Variants in CNTNAP5 observed in about 807,000 individuals in gnomAD.
CNTNAP5 encodes the protein contactin associated protein family member 5.
In CNTNAP5, 72 loss-of-function variants were observed where a neutral mutation model predicts 150.2. The observed-to-expected ratio is 0.48, with a 90% CI of 0.40 to 0.58. The LOEUF (loss-of-function observed/expected upper bound fraction) is 0.58, where lower values mean the gene tolerates loss of function less well. CNTNAP5 is among the 20% of genes least tolerant of loss of function. The probability of loss-of-function intolerance (pLI) is 0.00; values close to 1 mark genes in which losing one functional copy is unlikely to be tolerated. For synonymous variants in CNTNAP5, 672 were observed against 619.8 expected (o/e 1.08, Z -1.25); for missense variants, 1,636 against 1,626.2 (o/e 1.01, Z -0.10).
chr2:124,364,760 T>C (rs551084165), intron 3 of CNTNAP5, among the ~76,000 whole-genome samples: 3 of 152,166 alleles, frequency 2.0e-5, no homozygotes, highest in African/African-American at 7.2e-5. Flanking sequence ...CTGCATTAAG[T>C]ATAATACCAG....
intron 1 of CNTNAP5, among the ~76,000 whole-genome samples, chr2:124,139,579 G>C (rs530589750): frequency 1.3e-5 from 2 of 152,214 alleles, no homozygotes; most frequent in African/African-American, 4.8e-5. Flanking sequence ...TACTTGCCAC[G>C]TGAGGCAGGT....
chr2:124,731,613 CAGAG>C (rs1319611132), intron 13 of CNTNAP5, among the ~76,000 whole-genome samples: 1 of 149,962 alleles, frequency 6.7e-6, no homozygotes, highest in Non-Finnish European at 1.5e-5. Context: ...AATGCAGAGA[CAGAG>C]AGAAAAAGGA....
intron 14 of CNTNAP5, among the ~76,000 whole-genome samples, chr2:124,752,026 C>T (rs1680738473): frequency 6.6e-6 from 1 of 151,908 alleles, no homozygotes; most frequent in African/African-American, 2.4e-5. Context: ...CTAAGGATGC[C>T]CTTAATGATT....
chr2:124,490,852 G>T lies in CNTNAP5; in HGVS notation c.1063-13440G>T, dbSNP rs926364032. On this transcript the variant is annotated intron_variant, in intron 7 of 23. Transcript: ENST00000682447. Reference sequence around the variant, plus strand: ...AACCCTGTATTAAAATATAAATTAAGTTACTCTGTTTTAAAAAAAATTTTT... The same window carrying T: ...AACCCTGTATTAAAATATAAATTAATTTACTCTGTTTTAAAAAAAATTTTT... Among the ~76,000 whole-genome samples the T allele has an allele frequency of 2.6e-5, 4 of 151,972 alleles. No individual in the cohort carries two copies. In the East Asian group the frequency reaches 7.7e-4, roughly 29 times the overall value.
In CNTNAP5 at chr2:124,064,963, G is replaced by A. The variant is rs576393597; in HGVS notation, c.82+39231G>A. On this transcript the variant is annotated intron_variant, in intron 1 of 23. Coordinates refer to ENST00000682447, the MANE Select transcript of CNTNAP5 (RefSeq NM_001367498.1). ...TGCTAAAGGCTCCCGTGACCCCTCT[G>A]TACTTACATTATCTCACTCTAGTAT... 2.6e-5 allele frequency among the ~76,000 whole-genome samples: 4 copies of A among 152,218 alleles called. 1 individual carries two copies. In the South Asian group the frequency reaches 8.3e-4, roughly 32 times the overall value.
chr2:124,409,735 C>T (rs1281607724), intron 3 of CNTNAP5, among the ~76,000 whole-genome samples: 5 of 150,268 alleles, frequency 3.3e-5, no homozygotes, highest in Non-Finnish European at 5.9e-5. Flanking sequence ...AAGCGCTAAA[C>T]ATGGAAAGGA....
intron 3 of CNTNAP5, among the ~76,000 whole-genome samples, chr2:124,275,211 T>C (rs1687857553): frequency 6.6e-6 from 1 of 152,148 alleles, no homozygotes; most frequent in African/African-American, 2.4e-5. Flanking sequence ...TTGTGAGAGT[T>C]ACAATTCAAG....
At chr2:124,805,046 T>C (rs1402008122) in intron 19 of CNTNAP5, among the ~76,000 whole-genome samples, 1 of 152,078 alleles carries the variant, frequency 6.6e-6, no homozygotes, top group Non-Finnish European at 1.5e-5. Flanking sequence ...AAATTAATAC[T>C]CCTCTTTGTA....
chr2:124,672,059 T>C (rs1036914192), intron 13 of CNTNAP5, among the ~76,000 whole-genome samples: 1 of 152,098 alleles, frequency 6.6e-6, no homozygotes, highest in African/African-American at 2.4e-5. Flanking sequence ...ACAAGAGAAA[T>C]TTGTTTTACC....
intron 5 of CNTNAP5, among the ~76,000 whole-genome samples, chr2:124,436,800 A>G (rs1692542102): frequency 6.6e-6 from 1 of 152,174 alleles, no homozygotes; most frequent in Admixed American, 6.5e-5. Flanking sequence ...TAGTAAGAAC[A>G]TATTTTATCT....
intron 1 of CNTNAP5, among the ~76,000 whole-genome samples, chr2:124,156,518 C>G (rs900730562): frequency 6.6e-6 from 1 of 152,072 alleles, no homozygotes; most frequent in Non-Finnish European, 1.5e-5. Context: ...TTTTTTGATA[C>G]AGAGTCTCTC....
In CNTNAP5 at chr2:124,671,763, C is replaced by T. The variant is rs1242134336; in HGVS notation, c.2077+23805C>T. ...CAAGTGATTCTCTTGATTCAGCCTC[C>T]CAAGTACCTGTGATTACAGGTGTGC... On this transcript the variant is annotated intron_variant, in intron 13 of 23. Coordinates refer to ENST00000682447, the MANE Select transcript of CNTNAP5 (RefSeq NM_001367498.1). Among the ~76,000 whole-genome samples, 3 of 152,130 alleles carry T rather than the reference C, an allele frequency of 2.0e-5. No homozygotes were observed. The East Asian group carries it at 5.8e-4, about 29-fold the overall frequency.
intron 11 of CNTNAP5, among the ~76,000 whole-genome samples, chr2:124,604,534 C>T (rs1488923877): frequency 2.6e-5 from 4 of 152,148 alleles, no homozygotes; most frequent in Non-Finnish European, 5.9e-5. Context: ...GTGAAAGCAT[C>T]AACCATGTAA....
chr2:124,086,787 A>G (rs12473184), intron 1 of CNTNAP5, among the ~76,000 whole-genome samples: 57,799 of 151,188 alleles, frequency 0.38, 11,843 homozygotes, highest in Admixed American at 0.45. Context: ...TTTAAGTGGT[A>G]ACCTTAGGCC....
intron 13 of CNTNAP5, among the ~76,000 whole-genome samples, chr2:124,655,387 T>C (rs1035343662): frequency 9.2e-5 from 14 of 152,098 alleles, no homozygotes; most frequent in Admixed American, 4.6e-4. Flanking sequence ...CTTAATCCAG[T>C]CTATCACTGA....
chr2:124,243,551 G>A (rs1196053178), intron 3 of CNTNAP5, among the ~76,000 whole-genome samples: 1 of 152,082 alleles, frequency 6.6e-6, no homozygotes, highest in African/African-American at 2.4e-5. Flanking sequence ...GTAATATTAG[G>A]TTATAATATT....
chr2:124,835,240 T>C (rs1008112329), intron 19 of CNTNAP5, among the ~76,000 whole-genome samples: 1 of 142,690 alleles, frequency 7.0e-6, no homozygotes, highest in African/African-American at 2.5e-5. Flanking sequence ...ATCTTTCTCA[T>C]TGTTGGACAC....
At chr2:124,868,475 G>T (rs1472280160) in intron 20 of CNTNAP5, among the ~76,000 whole-genome samples, 1 of 152,004 alleles carries the variant, frequency 6.6e-6, no homozygotes, top group Non-Finnish European at 1.5e-5. Context: ...ACTTCCTTCT[G>T]CACTCAAATG....
rs1425133873 is a variant in CNTNAP5 at position 124,865,445 on chromosome 2, C to T, written c.3348+9C>T. 3 of 1,551,004 alleles carry T rather than the reference C, an allele frequency of 1.9e-6. No homozygotes were observed. In the East Asian group the frequency reaches 7.3e-5, roughly 38 times the overall value. On this transcript the variant is annotated intron_variant, in intron 20 of 23. Coordinates refer to ENST00000682447, the MANE Select transcript of CNTNAP5 (RefSeq NM_001367498.1). ...GAGAGCTTACCATTCAGGTACCTTC[C>T]TTACTTTCTCCTGCTTCAGCCAATG... is the stretch of plus-strand genomic sequence containing the variant.
Sources: gnomAD v4.1 joint callset for allele counts (sites outside exome capture counted in the v4.1 genomes callset) on GRCh38, gnomAD v4.1.1 for gene constraint, MANE v1.5 for transcripts, NCBI Gene and HGNC (gene_info 2026-07-23, HGNC 2026-07-21) for gene names.